OPCML: variants seen among roughly 807,000 people sequenced by gnomAD.
OPCML encodes the protein opioid binding protein/cell adhesion molecule like.
A neutral mutation model predicts 37.8 loss-of-function variants in OPCML; 13 were observed. The observed-to-expected ratio is 0.34, with a 90% CI of 0.22 to 0.55. The LOEUF (loss-of-function observed/expected upper bound fraction) is 0.55, where lower values mean the gene tolerates loss of function less well. Among genes scored for constraint, OPCML ranks in the 20% least tolerant of loss-of-function variants. The pLI is 0.91. For synonymous variants in OPCML, 176 were observed against 168.8 expected, an observed-to-expected ratio of 1.04 and a Z score of -0.33; for missense variants, 341 against 435.6, an observed-to-expected ratio of 0.78 and a Z score of 1.93.
chr11:133,209,161 ATTAT>A (rs1163755403), intron 1 of OPCML, among the ~76,000 whole-genome samples: 1 of 152,190 alleles, frequency 6.6e-6, no homozygotes, highest in East Asian at 1.9e-4. Flanking sequence ...TATTGGTGTA[ATTAT>A]TTGTTTGATG....
chr11:132,932,548 G>T (rs116771800), intron 2 of OPCML, among the ~76,000 whole-genome samples: 8,010 of 151,800 alleles, frequency 0.053, 309 homozygotes, highest in African/African-American at 0.11. Flanking sequence ...TGCCAACATA[G>T]TCACATATTC....
chr11:133,482,008 C>A (rs906900408), intron 1 of OPCML, among the ~76,000 whole-genome samples: 1 of 152,142 alleles, frequency 6.6e-6, no homozygotes, highest in Non-Finnish European at 1.5e-5. Flanking sequence ...CCAAGTGGTG[C>A]AGTCTCCATA....
chr11:133,209,956 G>A (rs1939283723), intron 1 of OPCML, among the ~76,000 whole-genome samples: 1 of 152,182 alleles, frequency 6.6e-6, no homozygotes, highest in African/African-American at 2.4e-5. Context: ...CTGTTGTGAT[G>A]AGTTGGGAAG....
At chr11:133,198,962 G>A (rs1390849624) in intron 1 of OPCML, among the ~76,000 whole-genome samples, 4 of 152,096 alleles carry the variant, frequency 2.6e-5, no homozygotes, top group African/African-American at 9.7e-5. Context: ...ATAACTCAAA[G>A]CACTTAAATA....
At chr11:133,024,031 G>T (rs1309102172) in intron 1 of OPCML, among the ~76,000 whole-genome samples, 1 of 152,194 alleles carries the variant, frequency 6.6e-6, no homozygotes, top group Admixed American at 6.5e-5. Context: ...GCAGAAAGTG[G>T]AGTTGGGTTT....
intron 2 of OPCML, among the ~76,000 whole-genome samples, chr11:132,670,687 TA>T (rs1001452354): frequency 2.0e-5 from 3 of 151,808 alleles, no homozygotes; most frequent in Non-Finnish European, 4.4e-5. Flanking sequence ...ATAATATTTG[TA>T]AAAAAAACAA....
intron 3 of OPCML, among the ~76,000 whole-genome samples, chr11:132,529,518 A>G (rs6590637): frequency 0.014 from 2,158 of 152,186 alleles, 46 homozygotes; most frequent in South Asian, 0.043. Flanking sequence ...GTTTATCCCC[A>G]TGTCTACTGT....
intron 1 of OPCML, among the ~76,000 whole-genome samples, chr11:133,087,091 G>C (rs1053669236): frequency 6.6e-6 from 1 of 152,170 alleles, no homozygotes; most frequent in Non-Finnish European, 1.5e-5. Context: ...TAATTTAACA[G>C]ACGACGAACT....
At chr11:133,486,831 G>A (rs377707956) in intron 1 of OPCML, among the ~76,000 whole-genome samples, 16 of 144,484 alleles carry the variant, frequency 1.1e-4, no homozygotes, top group Admixed American at 2.8e-4. Flanking sequence ...TCTATCTCTC[G>A]CTCTCTCCCC....
Position 132,419,641 on chromosome 11 carries a change from T to C in OPCML, c.*552A>G, listed in dbSNP as rs1373418935. On this transcript the variant is annotated 3_prime_UTR_variant, in exon 8 of 8. Coordinates refer to ENST00000524381, the MANE Select transcript of OPCML (RefSeq NM_001012393.5). ...ATATTGAAATCTATAGATATGGATA[T>C]AGTAGGATAGTGTCCCAGAAAGAAA... The C allele has an allele frequency of 6.5e-6, 1 of 152,954 alleles. No individual in the cohort carries two copies. The highest frequency in any genetic ancestry group is 1.5e-5 in the Non-Finnish European group (1 of 68,754). 9.5% of individuals were successfully genotyped at this position (152,954 alleles called of 1,614,324 possible).
At chr11:132,953,531 A>G (rs537498110) in intron 1 of OPCML, among the ~76,000 whole-genome samples, 1 of 152,106 alleles carries the variant, frequency 6.6e-6, no homozygotes, top group Non-Finnish European at 1.5e-5. Context: ...CACACCTCAT[A>G]TAGTTCTATA....
intron 1 of OPCML, among the ~76,000 whole-genome samples, chr11:133,041,079 A>G (rs1049706378): frequency 2.6e-5 from 4 of 152,212 alleles, no homozygotes; most frequent in African/African-American, 9.6e-5. Context: ...GTTTGAGTTC[A>G]AATCTCAGAT....
At chr11:132,978,783 T>C (rs1189360754) in intron 1 of OPCML, among the ~76,000 whole-genome samples, 2 of 152,176 alleles carry the variant, frequency 1.3e-5, no homozygotes, top group African/African-American at 4.8e-5. Flanking sequence ...ATATGTATAA[T>C]GTGTAGATTA....
intron 4 of OPCML, among the ~76,000 whole-genome samples, chr11:132,477,798 G>A (rs1307986221): frequency 6.6e-6 from 1 of 152,116 alleles, no homozygotes; most frequent in Non-Finnish European, 1.5e-5. Context: ...ATTGACTTTA[G>A]GAAAGAGTAT....
chr11:133,150,527 C>T (rs1336647238), intron 1 of OPCML, among the ~76,000 whole-genome samples: 1 of 152,152 alleles, frequency 6.6e-6, no homozygotes, highest in African/African-American at 2.4e-5. Context: ...ATCCATGCAC[C>T]GTATGCTGCC....
At chr11:132,659,682 A>T (rs1170164788) in intron 2 of OPCML, among the ~76,000 whole-genome samples, 2 of 151,766 alleles carry the variant, frequency 1.3e-5, no homozygotes, top group Non-Finnish European at 2.9e-5. Context: ...ACATTTAAAA[A>T]TTTTTTTAAG....
At chr11:132,467,878 C>T (rs186814277) in intron 4 of OPCML, among the ~76,000 whole-genome samples, 4 of 152,252 alleles carry the variant, frequency 2.6e-5, no homozygotes, top group Admixed American at 1.3e-4. Flanking sequence ...AAGCTGCATT[C>T]AAAAGCCAGG....
chr11:132,783,158 T>A (rs1319105244), intron 2 of OPCML, among the ~76,000 whole-genome samples: 1 of 152,054 alleles, frequency 6.6e-6, no homozygotes, highest in Non-Finnish European at 1.5e-5. Flanking sequence ...CTTTCCTTTC[T>A]AAGTCTCAAA....
Position 132,608,886 on chromosome 11 carries a change from T to A in OPCML, c.379+48201A>T, listed in dbSNP as rs547195019. Among the ~76,000 whole-genome samples, 42 of 152,290 alleles carry A rather than the reference T, an allele frequency of 2.8e-4. 1 individual carries two copies. Among genetic ancestry groups the A allele is most frequent in the South Asian group, 2.3e-3 (11 of 4,818 alleles). ...GCTTCCTCCTGCTCCACTGTGTACC[T>A]CCAGTGTGTCGTGAGTTCCAATATA... is the stretch of plus-strand genomic sequence containing the variant. On this transcript the variant is annotated intron_variant, in intron 3 of 7. Coordinates refer to ENST00000524381, the MANE Select transcript of OPCML (RefSeq NM_001012393.5).
Sources: allele counts gnomAD v4.1 joint callset (sites outside exome capture counted in the v4.1 genomes callset), GRCh38; gene constraint gnomAD v4.1.1; transcripts MANE v1.5; gene names NCBI Gene and HGNC (gene_info 2026-07-23, HGNC 2026-07-21).